The following NLGN4X variants were observed in gnomAD, a reference collection of about 807,000 sequenced individuals.
The protein encoded by NLGN4X is neuroligin 4 X-linked.
NLGN4X carries 3 observed loss-of-function variants against 40.3 expected under a neutral mutation model. The ratio of observed to expected loss-of-function variants is 0.07; its 90% CI spans 0.03 to 0.19. NLGN4X has a LOEUF of 0.19. NLGN4X is among the 10% of genes least tolerant of loss of function. NLGN4X has a pLI of 1.00. For missense variants in NLGN4X, 382 were observed against 708.3 expected (o/e 0.54, Z 5.23); for synonymous variants, 270 against 306.8 (o/e 0.88, Z 1.25).
At chrX:6,010,513 T>TTTTTTATTATTA (rs375723769) in intron 3 of NLGN4X, among the ~76,000 whole-genome samples, 1 of 95,413 alleles carries the variant, frequency 1.0e-5, no homozygotes, top group African/African-American at 3.8e-5. Flanking sequence ...TTCTTTTTAT[T>TTTTTTATTATTA]TTATTATTAT....
At chrX:6,106,044 C>T (rs2039024408) in intron 2 of NLGN4X, among the ~76,000 whole-genome samples, 1 of 111,341 alleles carries the variant, frequency 9.0e-6, no homozygotes, top group Non-Finnish European at 1.9e-5. Flanking sequence ...AATTTTTTTA[C>T]ATCTGTTTTA....
At chrX:6,126,939 T>C (rs1013958428) in intron 2 of NLGN4X, among the ~76,000 whole-genome samples, 4 of 111,823 alleles carry the variant, frequency 3.6e-5, no homozygotes, top group African/African-American at 1.3e-4. Flanking sequence ...AGCCCTTGGA[T>C]TGGCTGATGT....
intron 2 of NLGN4X, among the ~76,000 whole-genome samples, chrX:6,054,409 G>A (rs575279738): frequency 1.8e-5 from 2 of 110,752 alleles, no homozygotes; most frequent in South Asian, 3.9e-4. Flanking sequence ...GAGGCCAGGA[G>A]TTCAAGACCA....
chrX:6,213,208 G>A (rs1190840599), intron 1 of NLGN4X, among the ~76,000 whole-genome samples: 1 of 111,088 alleles, frequency 9.0e-6, no homozygotes, highest in African/African-American at 3.3e-5. Flanking sequence ...TGAGATGAAG[G>A]AAACCTTCAT....
chrX:6,068,612 G>T (rs2147354307), intron 2 of NLGN4X, among the ~76,000 whole-genome samples: 1 of 111,933 alleles, frequency 8.9e-6, no homozygotes, highest in South Asian at 3.8e-4. Flanking sequence ...ATCAACAATT[G>T]TAAAAATTCA....
chrX:6,112,587 T>C (rs1174848061), intron 2 of NLGN4X, among the ~76,000 whole-genome samples: 1 of 108,334 alleles, frequency 9.2e-6, no homozygotes, highest in Non-Finnish European at 1.9e-5. Flanking sequence ...TTTTTTAATT[T>C]ATTTTTGTTT....
intron 2 of NLGN4X, among the ~76,000 whole-genome samples, chrX:6,032,224 A>T (rs2036879064): frequency 1.2e-4 from 1 of 8,265 alleles, no homozygotes; most frequent in African/African-American, 2.4e-4. Context: ...CTGATATTTC[A>T]GCCCCCCCCC....
Position 5,893,158 on chromosome X carries a change from G to A in NLGN4X, c.2110C>T (p.Arg704Cys), listed in dbSNP as rs751945904. 1.7e-5 allele frequency: 21 copies of A among 1,211,677 alleles called. No homozygotes were observed. The highest frequency in any genetic ancestry group is 2.1e-5 in the Non-Finnish European group (19 of 895,440). ...CTGGGGCGCCTGTGAGTCTCATGGC[G>A]CCTCTTGTCCTTTTTGTAGTACAGC... Reference protein sequence around the residue: ...AALYYKKDKRRHETHRRPSPQ... With the variant: ...AALYYKKDKRCHETHRRPSPQ... The change falls in exon 6 of 6, where the codon CGC (arginine) becomes TGC (cysteine). Residue 704 changes from arginine to cysteine, a missense_variant. Around this residue, in one of 5 missense-constraint regions of NLGN4X, gnomAD observed 149 missense variants for 375.8 expected, o/e 0.40. Coordinates refer to ENST00000381095, the MANE Select transcript of NLGN4X (RefSeq NM_181332.3).
chrX:6,193,536 A>T (rs770884498), intron 1 of NLGN4X, among the ~76,000 whole-genome samples: 8 of 108,826 alleles, frequency 7.4e-5, no homozygotes, highest in Non-Finnish European at 9.5e-5. Context: ...AGTAAAAGAG[A>T]TGATATTGTT....
intron 3 of NLGN4X, among the ~76,000 whole-genome samples, chrX:5,969,987 C>T (rs1459273296): frequency 4.5e-5 from 4 of 88,981 alleles, no homozygotes; most frequent in African/African-American, 1.8e-4. Flanking sequence ...AACACATGGA[C>T]ACAGGAATGG....
chrX:6,155,214 G>A (rs2040239034), intron 1 of NLGN4X, among the ~76,000 whole-genome samples: 1 of 111,359 alleles, frequency 9.0e-6, no homozygotes, highest in South Asian at 3.8e-4. Flanking sequence ...GAACGTCTGG[G>A]CCCACTGAGA....
At chrX:5,958,076 C>T (rs1308092880) in intron 3 of NLGN4X, among the ~76,000 whole-genome samples, 3 of 111,397 alleles carry the variant, frequency 2.7e-5, no homozygotes, top group African/African-American at 9.8e-5. Context: ...TCTATTTAAC[C>T]AATCTTGTGT....
rs2038404095 is a variant in NLGN4X at position 6,083,011 on chromosome X, G to A, written c.473-53579C>T. 3.2e-5 allele frequency among the ~76,000 whole-genome samples: 3 copies of A among 92,320 alleles called. No homozygotes were observed. In the South Asian group the frequency reaches 1.7e-3, roughly 52 times the overall value. The allele number at this position is 92,320 out of a possible 115,157, so 80.2% of individuals were successfully genotyped here. A position where few individuals can be genotyped will look rare whatever the true frequency, so the allele number is the denominator to read the frequency against. On this transcript the variant is annotated intron_variant, in intron 2 of 5. Coordinates refer to ENST00000381095, the MANE Select transcript of NLGN4X (RefSeq NM_181332.3). The stretch of plus-strand genomic sequence containing the variant: ...GTCTCGCTGTCGCCCAGGCTGGAGT[G>A]CGGTGGCGCAATCTCGGCTCACTGC...
chrX:6,045,901 G>A (rs2147274082), intron 2 of NLGN4X, among the ~76,000 whole-genome samples: 1 of 111,173 alleles, frequency 9.0e-6, no homozygotes, highest in South Asian at 3.7e-4. Flanking sequence ...CAGAAAGAAG[G>A]AGACAAAATA....
intron 3 of NLGN4X, among the ~76,000 whole-genome samples, chrX:5,925,952 A>G (rs1230710936): frequency 7.1e-5 from 6 of 84,872 alleles, no homozygotes; most frequent in Non-Finnish European, 9.1e-5. Context: ...AGCTTTTCAA[A>G]TAATCAGAGA....
chrX:6,053,150 G>A (rs1321594462), intron 2 of NLGN4X, among the ~76,000 whole-genome samples: 1 of 111,860 alleles, frequency 8.9e-6, no homozygotes, highest in Admixed American at 9.5e-5. Context: ...GACTGAAGCT[G>A]CGCTGTCTGC....
At chrX:5,930,903 G>A (rs1190320244) in intron 3 of NLGN4X, among the ~76,000 whole-genome samples, 1 of 111,885 alleles carries the variant, frequency 8.9e-6, no homozygotes. Flanking sequence ...TGTCTTTCCT[G>A]ATGCATTCCT....
intron 1 of NLGN4X, among the ~76,000 whole-genome samples, chrX:6,216,745 T>C (rs1324338510): frequency 8.9e-6 from 1 of 112,408 alleles, no homozygotes; most frequent in Non-Finnish European, 1.9e-5. Flanking sequence ...TATTCAGCAA[T>C]AGAATAACAC....
chrX:6,076,647 T>C (rs73184635), intron 2 of NLGN4X, among the ~76,000 whole-genome samples: 1,869 of 112,297 alleles, frequency 0.017, 21 homozygotes, highest in Non-Finnish European at 0.026. Flanking sequence ...TTCCCTTCAC[T>C]AACTTATAAA....
Sources: allele counts gnomAD v4.1 joint callset (sites outside exome capture counted in the v4.1 genomes callset), GRCh38; gene constraint gnomAD v4.1.1; regional missense constraint gnomAD v4.1.1; transcripts MANE v1.5; gene names NCBI Gene and HGNC (gene_info 2026-07-23, HGNC 2026-07-21).